Variants in MITF observed in about 807,000 individuals in gnomAD.
MITF encodes melanocyte inducing transcription factor, also known as microphthalmia-associated transcription factor.
A neutral mutation model predicts 60.5 loss-of-function variants in MITF; 17 were observed. The observed-to-expected ratio is 0.28, with a 90% CI of 0.19 to 0.42. The LOEUF (loss-of-function observed/expected upper bound fraction) is 0.42, where lower values mean the gene tolerates loss of function less well. Among genes scored for constraint, MITF ranks in the 10% least tolerant of loss-of-function variants. The pLI is 1.00. For synonymous variants in MITF, 260 were observed against 248.5 expected, an observed-to-expected ratio of 1.05 and a Z score of -0.43; for missense variants, 622 against 683.5, an observed-to-expected ratio of 0.91 and a Z score of 1.00.
chr3:69,805,618 A>G (rs2062992588), intron 1 of MITF, among the ~76,000 whole-genome samples: 1 of 152,174 alleles, frequency 6.6e-6, no homozygotes, highest in African/African-American at 2.4e-5. Context: ...TGTGCATGGT[A>G]TGCAACAGAC....
chr3:69,801,759 C>G (rs1186296915), intron 1 of MITF, among the ~76,000 whole-genome samples: 1 of 152,160 alleles, frequency 6.6e-6, no homozygotes, highest in Non-Finnish European at 1.5e-5. Flanking sequence ...TACTGGGTGA[C>G]AAACTGCATT....
chr3:69,793,876 A>G (rs1251857383), intron 1 of MITF, among the ~76,000 whole-genome samples: 2 of 152,200 alleles, frequency 1.3e-5, no homozygotes, highest in East Asian at 1.9e-4. Flanking sequence ...GTCCTCATTT[A>G]TAAGTTGTGC....
At chr3:69,928,950 A>G (rs1377912055) in intron 2 of MITF, among the ~76,000 whole-genome samples, 2 of 152,138 alleles carry the variant, frequency 1.3e-5, no homozygotes, top group Non-Finnish European at 2.9e-5. Context: ...AGAATTGGCA[A>G]TCTTTGGGCA....
intron 2 of MITF, among the ~76,000 whole-genome samples, chr3:69,905,546 G>A (rs2065080840): frequency 6.6e-6 from 1 of 152,026 alleles, no homozygotes. Flanking sequence ...TTAACTTTTA[G>A]AGAAAGTGCC....
At chr3:69,818,146 C>G (rs1031218336) in intron 1 of MITF, among the ~76,000 whole-genome samples, 1 of 152,256 alleles carries the variant, frequency 6.6e-6, no homozygotes, top group East Asian at 1.9e-4. Flanking sequence ...AATCTGTTCC[C>G]CTTTGAGTGG....
chr3:69,766,885 C>G (rs2106822434), intron 1 of MITF, among the ~76,000 whole-genome samples: 1 of 152,300 alleles, frequency 6.6e-6, no homozygotes, highest in South Asian at 2.1e-4. Flanking sequence ...TTAAAACTTA[C>G]TGTACCTTCT....
intron 2 of MITF, among the ~76,000 whole-genome samples, chr3:69,914,303 G>T (rs1466024974): frequency 1.3e-5 from 2 of 152,090 alleles, no homozygotes; most frequent in East Asian, 3.9e-4. Flanking sequence ...TGTATTTTTA[G>T]TAGAGACAGG....
chr3:69,885,321 T>C (rs942087075), intron 2 of MITF, among the ~76,000 whole-genome samples: 1 of 152,104 alleles, frequency 6.6e-6, no homozygotes, highest in Non-Finnish European at 1.5e-5. Context: ...TAGAGGAGGC[T>C]ATACTAATAG....
chr3:69,957,558 G>C (rs2066430222), intron 8 of MITF, among the ~76,000 whole-genome samples: 1 of 152,192 alleles, frequency 6.6e-6, no homozygotes, highest in Admixed American at 6.5e-5. Flanking sequence ...CAGATTCTCA[G>C]TTCTGCAGCA....
intron 1 of MITF, among the ~76,000 whole-genome samples, chr3:69,839,542 A>G (rs2063597603): frequency 6.6e-6 from 1 of 151,952 alleles, no homozygotes; most frequent in African/African-American, 2.4e-5. Context: ...GTGCTCTTTC[A>G]AAGGAAGAGT....
chr3:69,744,723 T>G (rs909680119), intron 1 of MITF, among the ~76,000 whole-genome samples: 1 of 152,250 alleles, frequency 6.6e-6, no homozygotes, highest in Admixed American at 6.5e-5. Context: ...AGGCAAGTGT[T>G]GTTACGCAAC....
At chr3:69,821,018 T>C (rs1458610958) in intron 1 of MITF, among the ~76,000 whole-genome samples, 1 of 152,168 alleles carries the variant, frequency 6.6e-6, no homozygotes, top group Non-Finnish European at 1.5e-5. Flanking sequence ...TAGGATATTT[T>C]CCAAACCCAC....
At chr3:69,804,697 C>T (rs2106964622) in intron 1 of MITF, among the ~76,000 whole-genome samples, 1 of 152,266 alleles carries the variant, frequency 6.6e-6, no homozygotes, top group South Asian at 2.1e-4. Context: ...ATTTCAATTT[C>T]TTTTTGTTCT....
intron 2 of MITF, among the ~76,000 whole-genome samples, chr3:69,890,869 A>C (rs1033038973): frequency 6.6e-6 from 1 of 152,172 alleles, no homozygotes; most frequent in African/African-American, 2.4e-5. Flanking sequence ...AGAGAGATTT[A>C]ATGTGTTCTT....
intron 1 of MITF, among the ~76,000 whole-genome samples, chr3:69,874,779 A>C (rs1337177760): frequency 6.6e-6 from 1 of 152,244 alleles, no homozygotes; most frequent in Non-Finnish European, 1.5e-5. Flanking sequence ...AGGGGTGGGC[A>C]GACAGATGTT....
chr3:69,757,194 G>T (rs958047339), intron 1 of MITF, among the ~76,000 whole-genome samples: 1 of 152,048 alleles, frequency 6.6e-6, no homozygotes, highest in African/African-American at 2.4e-5. Flanking sequence ...TACCAAGTTT[G>T]AGTACCAATT....
chr3:69,922,937 T>G (rs961872873), intron 2 of MITF, among the ~76,000 whole-genome samples: 4 of 152,190 alleles, frequency 2.6e-5, no homozygotes, highest in Non-Finnish European at 4.4e-5. Context: ...CGTTGTTAGG[T>G]CCTGTCCTTG....
In MITF at chr3:69,786,313, T is replaced by C. The variant is rs186966050; in HGVS notation, c.104+46612T>C. ...ACCTTTGTCAGTGGCTTCCTCTTGT[T>C]GCCTCTAGGGCATGAATCCCTGCTT... On this transcript the variant is annotated intron_variant, in intron 1 of 9. Transcript: ENST00000352241. Among the ~76,000 whole-genome samples the C allele has an allele frequency of 2.9e-3, 446 of 152,350 alleles. 2 individuals are homozygous for C. Among genetic ancestry groups the C allele is most frequent in the African/African-American group, 0.01 (425 of 41,588 alleles).
chr3:69,853,964 G>T (rs1177900578), intron 1 of MITF, among the ~76,000 whole-genome samples: 8 of 150,290 alleles, frequency 5.3e-5, no homozygotes, highest in Non-Finnish European at 1.0e-4. Flanking sequence ...ATGTTCAAGT[G>T]ACTCTCCTGC....
Sources: allele counts gnomAD v4.1 joint callset (sites outside exome capture counted in the v4.1 genomes callset), GRCh38; gene constraint gnomAD v4.1.1; transcripts MANE v1.5; gene names NCBI Gene and HGNC (gene_info 2026-07-23, HGNC 2026-07-21).